Variants in CA10 observed in about 807,000 individuals in gnomAD.
CA10 encodes carbonic anhydrase-related protein 10.
In CA10, 14 loss-of-function variants were observed where a neutral mutation model predicts 44.2. The ratio of observed to expected loss-of-function variants is 0.32; its 90% CI spans 0.21 to 0.50. The LOEUF is 0.50. CA10 is among the 20% of genes least tolerant of loss of function. CA10 has a pLI of 0.99. For missense variants in CA10, 350 were observed against 409.7 expected (o/e 0.85, Z 1.26); for synonymous variants, 159 against 141.6 (o/e 1.12, Z -0.87).
chr17:52,004,714 T>C (rs1985540294), intron 2 of CA10, among the ~76,000 whole-genome samples: 1 of 151,910 alleles, frequency 6.6e-6, no homozygotes, highest in African/African-American at 2.4e-5. Flanking sequence ...ATAATTAATA[T>C]GTACTTTTTC....
intron 1 of CA10, among the ~76,000 whole-genome samples, chr17:52,146,671 A>AAAATAAATAAAT (rs138199238): frequency 6.7e-6 from 1 of 149,542 alleles, no homozygotes; most frequent in African/African-American, 2.5e-5. Flanking sequence ...ACTCCGTCTC[A>AAAATAAATAAAT]AAATAAATAA....
intron 3 of CA10, among the ~76,000 whole-genome samples, chr17:51,800,320 A>C (rs545285418): frequency 2.8e-4 from 42 of 152,330 alleles, no homozygotes; most frequent in African/African-American, 8.4e-4. Flanking sequence ...AAAGTAGATT[A>C]GTGGTTGTCT....
intron 6 of CA10, among the ~76,000 whole-genome samples, chr17:51,642,280 A>C (rs1027201529): frequency 6.6e-6 from 1 of 152,178 alleles, no homozygotes; most frequent in Non-Finnish European, 1.5e-5. Flanking sequence ...TACAAGTTCA[A>C]TTAAGCATAG....
rs142579944 is a variant in CA10 at position 52,090,193 on chromosome 17, A to T, written c.62-17800T>A. 3.7e-3 allele frequency among the ~76,000 whole-genome samples: 557 copies of T among 152,326 alleles called. 6 individuals are homozygous for T. Among genetic ancestry groups the T allele is most frequent in the South Asian group, 0.029 (142 of 4,832 alleles). On this transcript the variant is annotated intron_variant, in intron 1 of 8. Coordinates refer to ENST00000451037, the MANE Select transcript of CA10 (RefSeq NM_020178.5). ...GATAGAGATCAGTGAGAATCTTCAT[A>T]GTTCAAAAGTGATAGGCCAAGTAGG...
At chr17:51,918,774 T>G (rs1447232614) in intron 3 of CA10, among the ~76,000 whole-genome samples, 1 of 152,322 alleles carries the variant, frequency 6.6e-6, no homozygotes, top group South Asian at 2.1e-4. Flanking sequence ...GCTGAATGGC[T>G]TATTTTCACA....
intron 3 of CA10, among the ~76,000 whole-genome samples, chr17:51,864,961 T>C (rs1398449823): frequency 6.6e-6 from 1 of 152,146 alleles, no homozygotes; most frequent in Middle Eastern, 3.2e-3. Context: ...GTGTCAGATG[T>C]TGTGCTGGGT....
intron 2 of CA10, among the ~76,000 whole-genome samples, chr17:51,999,335 T>C (rs1456026836): frequency 6.6e-6 from 1 of 151,998 alleles, no homozygotes; most frequent in African/African-American, 2.4e-5. Flanking sequence ...AAATGAAGGA[T>C]ATGTGTTGCG....
At chr17:51,891,934 C>CA in intron 3 of CA10, among the ~76,000 whole-genome samples, 1 of 152,310 alleles carries the variant, frequency 6.6e-6, no homozygotes, top group Middle Eastern at 3.4e-3. Flanking sequence ...TCCCTACCTA[C>CA]ATGGGGGGCT....
intron 2 of CA10, among the ~76,000 whole-genome samples, chr17:52,019,672 C>CA (rs1986074978): frequency 6.6e-6 from 1 of 151,844 alleles, no homozygotes; most frequent in Non-Finnish European, 1.5e-5. Flanking sequence ...TGTTTGCCAC[C>CA]AAAAATCTAG....
intron 4 of CA10, among the ~76,000 whole-genome samples, chr17:51,713,833 T>G (rs1916015761): frequency 1.3e-5 from 2 of 152,164 alleles, no homozygotes; most frequent in South Asian, 4.1e-4. Context: ...GAAATATGAA[T>G]GGAAGGTGAA....
At chr17:51,944,684 CA>C (rs376519168) in intron 2 of CA10, among the ~76,000 whole-genome samples, 3 of 151,740 alleles carry the variant, frequency 2.0e-5, no homozygotes, top group Admixed American at 6.6e-5. Context: ...ACTGGAGGGA[CA>C]AAAAAATAAC....
intron 2 of CA10, among the ~76,000 whole-genome samples, chr17:52,021,540 T>G (rs1378808419): frequency 6.6e-6 from 1 of 152,100 alleles, no homozygotes; most frequent in Non-Finnish European, 1.5e-5. Flanking sequence ...GATTTGCATT[T>G]CTCTGATAAT....
At position 52,081,752 on chromosome 17, in the gene CA10, A is replaced by G. The variant is rs374526349; in HGVS notation, c.62-9359T>C. Among the ~76,000 whole-genome samples, 744 of 148,630 alleles carry G rather than the reference A, an allele frequency of 5.0e-3. 2 individuals carry two copies. Among genetic ancestry groups the G allele is most frequent in the African/African-American group, 0.017 (679 of 40,384 alleles). On this transcript the variant is annotated intron_variant, in intron 1 of 8. Coordinates refer to ENST00000451037, the MANE Select transcript of CA10 (RefSeq NM_020178.5). ...GAGGCGGAGCTTGCAGTGAGCCGAG[A>G]TCCCGCCACTGCACTCCAGCCTGGG...
intron 1 of CA10, among the ~76,000 whole-genome samples, chr17:52,139,200 G>A (rs2050973551): frequency 6.6e-6 from 1 of 152,204 alleles, no homozygotes; most frequent in African/African-American, 2.4e-5. Flanking sequence ...AATTCTGTTT[G>A]TGAAGGAACA....
intron 2 of CA10, among the ~76,000 whole-genome samples, chr17:52,004,052 A>G (rs932850308): frequency 4.6e-5 from 7 of 151,932 alleles, no homozygotes; most frequent in Non-Finnish European, 5.9e-5. Flanking sequence ...ACATTAATAC[A>G]TCAAAATATC....
intron 3 of CA10, among the ~76,000 whole-genome samples, chr17:51,754,104 A>G (rs553854292): frequency 1.4e-3 from 208 of 152,104 alleles, no homozygotes; most frequent in Non-Finnish European, 2.6e-3. Context: ...TCGGCCTCCC[A>G]AAGTGCTGGG....
chr17:51,864,336 A>G (rs1383719616), intron 3 of CA10, among the ~76,000 whole-genome samples: 1 of 152,202 alleles, frequency 6.6e-6, no homozygotes, highest in Non-Finnish European at 1.5e-5. Flanking sequence ...TGGTCCATAA[A>G]TATTTGCTAA....
At chr17:51,930,416 A>AT (rs1330728474) in intron 3 of CA10, among the ~76,000 whole-genome samples, 1 of 152,138 alleles carries the variant, frequency 6.6e-6, no homozygotes, top group Non-Finnish European at 1.5e-5. Context: ...GGAGCTCGTT[A>AT]TGGGGGGAGG....
intron 1 of CA10, among the ~76,000 whole-genome samples, chr17:52,151,425 A>C (rs1503045): frequency 0.76 from 114,901 of 151,976 alleles, 44,212 homozygotes; most frequent in African/African-American, 0.91. Flanking sequence ...TTCTATAAAC[A>C]TTTTCCCTTC....
Sources: allele counts gnomAD v4.1 joint callset (sites outside exome capture counted in the v4.1 genomes callset), GRCh38; gene constraint gnomAD v4.1.1; transcripts MANE v1.5; gene names NCBI Gene and HGNC (gene_info 2026-07-23, HGNC 2026-07-21).